GABBR2: variants seen among roughly 807,000 people sequenced by gnomAD.
GABBR2 encodes the protein gamma-aminobutyric acid type B receptor subunit 2, also known as G-protein coupled receptor 51.
A neutral mutation model predicts 105.6 loss-of-function variants in GABBR2; 23 were observed. The observed-to-expected ratio is 0.22, with a 90% CI of 0.16 to 0.31. The LOEUF (loss-of-function observed/expected upper bound fraction) is 0.31. Among genes scored for constraint, GABBR2 ranks in the 10% least tolerant of loss-of-function variants. The pLI, the probability that GABBR2 is intolerant of heterozygous loss-of-function variation, is 1.00. For synonymous variants in GABBR2, 478 were observed against 499.7 expected, an observed-to-expected ratio of 0.96 and a Z score of 0.58; for missense variants, 734 against 1,245.5, an observed-to-expected ratio of 0.59 and a Z score of 6.18.
At chr9:98,544,923 C>T (rs1189133770) in intron 2 of GABBR2, among the ~76,000 whole-genome samples, 1 of 152,152 alleles carries the variant, frequency 6.6e-6, no homozygotes, top group Non-Finnish European at 1.5e-5. Context: ...GTCTGTGATT[C>T]TTCTCACAAG....
In GABBR2 at chr9:98,490,996, C is replaced by CT. The variant is rs200970691; in HGVS notation, c.732+5416dup. ...TTATTCCGTTCCTCTGTGCTCTTGC[C>CT]TTTTTTTTTTTGCCTGGGTGAACTG... On this transcript the variant is annotated intron_variant, in intron 4 of 18. Coordinates refer to ENST00000259455, the MANE Select transcript of GABBR2 (RefSeq NM_005458.8). Among the ~76,000 whole-genome samples, 350 of 144,454 alleles carry CT rather than the reference C, an allele frequency of 2.4e-3. 6 individuals carry two copies. The East Asian group carries it at 0.036, about 15-fold the overall frequency. The allele number at this position is 144,454 out of a possible 152,430, so 94.8% of individuals were successfully genotyped here. A position where few individuals can be genotyped will look rare whatever the true frequency, so the allele number is the denominator to read the frequency against.
chr9:98,575,483 T>A (rs1000936522), intron 2 of GABBR2, among the ~76,000 whole-genome samples: 1 of 152,148 alleles, frequency 6.6e-6, no homozygotes, highest in South Asian at 2.1e-4. Context: ...ACAGCTCTAA[T>A]CCTTTTTCAG....
intron 1 of GABBR2, among the ~76,000 whole-genome samples, chr9:98,696,611 T>C (rs1005312188): frequency 1.3e-5 from 2 of 152,244 alleles, no homozygotes; most frequent in African/African-American, 4.8e-5. Context: ...GTTATCTCCC[T>C]ACACTGTGTA....
At chr9:98,341,536 A>G (rs1403239685) in intron 13 of GABBR2, among the ~76,000 whole-genome samples, 4 of 152,256 alleles carry the variant, frequency 2.6e-5, no homozygotes, top group Non-Finnish European at 5.9e-5. Flanking sequence ...AACCTGAGAT[A>G]AGATGGTTAT....
chr9:98,449,644 T>C (rs1046457287), intron 7 of GABBR2, among the ~76,000 whole-genome samples: 2 of 152,218 alleles, frequency 1.3e-5, no homozygotes, highest in Non-Finnish European at 2.9e-5. Flanking sequence ...ATCATTGCTC[T>C]AATGATGAGC....
At chr9:98,665,753 C>T (rs1034273764) in intron 1 of GABBR2, among the ~76,000 whole-genome samples, 1 of 152,192 alleles carries the variant, frequency 6.6e-6, no homozygotes, top group Non-Finnish European at 1.5e-5. Context: ...CTCACCAGGG[C>T]GGATCTAACT....
At chr9:98,522,427 AT>A (rs1309732782) in intron 3 of GABBR2, among the ~76,000 whole-genome samples, 5 of 152,138 alleles carry the variant, frequency 3.3e-5, no homozygotes, top group Non-Finnish European at 4.4e-5. Context: ...GCTATGTGCC[AT>A]TTTTTCTTTA....
chr9:98,499,363 G>A (rs1827352234), intron 3 of GABBR2, among the ~76,000 whole-genome samples: 1 of 152,234 alleles, frequency 6.6e-6, no homozygotes, highest in African/African-American at 2.4e-5. Context: ...AAACTGAAGT[G>A]TGATTCCCAG....
intron 6 of GABBR2, among the ~76,000 whole-genome samples, chr9:98,456,840 G>A (rs894240375): frequency 3.3e-5 from 5 of 152,160 alleles, no homozygotes; most frequent in Non-Finnish European, 5.9e-5. Context: ...TTTCTTTAAT[G>A]ATTAGAATGA....
intron 11 of GABBR2, among the ~76,000 whole-genome samples, chr9:98,375,863 A>G (rs1451005022): frequency 6.6e-6 from 1 of 152,176 alleles, no homozygotes; most frequent in African/African-American, 2.4e-5. Flanking sequence ...CAAGTAAACG[A>G]GAAGGTTTCA....
intron 4 of GABBR2, among the ~76,000 whole-genome samples, chr9:98,494,432 T>C: frequency 6.6e-6 from 1 of 152,132 alleles, no homozygotes; most frequent in South Asian, 2.1e-4. Context: ...AGGGGAGCCT[T>C]TGCCAACAGA....
chr9:98,525,670 A>G (rs2095120), intron 3 of GABBR2, among the ~76,000 whole-genome samples: 7,315 of 152,288 alleles, frequency 0.048, 263 homozygotes, highest in South Asian at 0.13. Flanking sequence ...TCTAGGTGTA[A>G]ATCCAAGAGA....
intron 13 of GABBR2, among the ~76,000 whole-genome samples, chr9:98,353,344 C>T (rs1297748472): frequency 6.6e-6 from 1 of 152,210 alleles, no homozygotes; most frequent in Non-Finnish European, 1.5e-5. Flanking sequence ...TCTGCAGTTA[C>T]TTCCTCTGCT....
intron 2 of GABBR2, among the ~76,000 whole-genome samples, chr9:98,551,008 T>A (rs1231258288): frequency 6.6e-6 from 1 of 152,038 alleles, no homozygotes; most frequent in Non-Finnish European, 1.5e-5. Flanking sequence ...AGTGGATAGA[T>A]GAATGAATGG....
rs955731283 is a variant in GABBR2 at position 98,388,447 on chromosome 9, G to C, written c.1529+407C>G. On this transcript the variant is annotated intron_variant, in intron 10 of 18. Transcript: ENST00000259455. This position sits in a 1 kb window ranked among gnomAD's most constrained non-coding sequence, Gnocchi z 4.4. Reference sequence around the variant, plus strand: ...TGATTCCCAGCGATGCTAGGGGATAGGGGCAAAGAAGTTTGGGGTATTCTG... The same window carrying C: ...TGATTCCCAGCGATGCTAGGGGATACGGGCAAAGAAGTTTGGGGTATTCTG... Among the ~76,000 whole-genome samples, 2 of 152,192 alleles carry C rather than the reference G, an allele frequency of 1.3e-5. No individual in the cohort carries two copies. Among genetic ancestry groups the C allele is most frequent in the Non-Finnish European group, 2.9e-5 (2 of 68,032 alleles).
chr9:98,509,835 GA>G (rs1462017406), intron 3 of GABBR2, among the ~76,000 whole-genome samples: 2 of 152,188 alleles, frequency 1.3e-5, no homozygotes, highest in Non-Finnish European at 2.9e-5. Flanking sequence ...AACCAAGTTG[GA>G]AAACACTCTG....
intron 3 of GABBR2, among the ~76,000 whole-genome samples, chr9:98,533,053 A>C (rs751499580): frequency 6.6e-6 from 1 of 152,144 alleles, no homozygotes; most frequent in Non-Finnish European, 1.5e-5. Context: ...TCCAAAAAAG[A>C]CTTCAAGTTA....
Position 98,306,288 on chromosome 9 carries a change from C to T in GABBR2, c.2062G>A (p.Asp688Asn), listed in dbSNP as rs1830550022. Residue 688 changes from aspartate to asparagine, a missense_variant, in exon 15 of 19, where the codon GAC becomes AAC. Transcript: ENST00000259455. This position sits in a 1 kb window ranked among gnomAD's most constrained non-coding sequence, Gnocchi z 5.4. ...ACACTCATCCCGATGTACTTGCTGT[C>T]GTTGAGTGCGGGGATGCTGACGTTG... Reference protein sequence around the residue: ...TRNVSIPALNDSKYIGMSVYN... With the variant: ...TRNVSIPALNNSKYIGMSVYN... The T allele has an allele frequency of 6.2e-7, 1 of 1,614,114 alleles. No individual in the cohort carries two copies. Among genetic ancestry groups the T allele is most frequent in the Non-Finnish European group, 8.5e-7 (1 of 1,179,956 alleles).
intron 12 of GABBR2, among the ~76,000 whole-genome samples, chr9:98,366,483 G>C (rs1831678833): frequency 6.6e-6 from 1 of 152,218 alleles, no homozygotes. Context: ...CTGCAACCAT[G>C]ACAGAAGAGC....
Sources: allele counts gnomAD v4.1 joint callset (sites outside exome capture counted in the v4.1 genomes callset), GRCh38; gene constraint gnomAD v4.1.1; non-coding constraint Gnocchi (gnomAD v3.1); transcripts MANE v1.5; gene names NCBI Gene and HGNC (gene_info 2026-07-23, HGNC 2026-07-21).